The following ADAM28 variants were observed in gnomAD, a reference collection of about 807,000 sequenced individuals.
ADAM28 encodes the protein ADAM metallopeptidase domain 28.
A neutral mutation model predicts 101.2 loss-of-function variants in ADAM28; 105 were observed. The ratio of observed to expected loss-of-function variants is 1.04; its 90% confidence interval spans 0.89 to 1.22. ADAM28 has a LOEUF of 1.22. ADAM28 is among the 50% of genes most tolerant of loss of function. The probability of loss-of-function intolerance (pLI) is 0.00; values close to 1 mark genes in which losing one functional copy is unlikely to be tolerated. For missense variants in ADAM28, 1,028 were observed against 945.4 expected, an observed-to-expected ratio of 1.09 and a Z score of -1.15; for synonymous variants, 322 against 310.6, an observed-to-expected ratio of 1.04 and a Z score of -0.39.
chr8:24,339,648 CA>C, intron 15 of ADAM28, 80 bp downstream of exon 15: 1 of 1,226,470 alleles, frequency 8.2e-7, no homozygotes, highest in Non-Finnish European at 1.2e-6. Flanking sequence ...TGATTTATTC[CA>C]GTTAAAGGGA....
At chr8:24,332,885 C>T (rs1234907794) in intron 13 of ADAM28, 136 bp downstream of exon 13, 2 of 437,116 alleles carry the variant, frequency 4.6e-6, no homozygotes, top group Non-Finnish European at 7.9e-6. Context: ...TTATGAAGCA[C>T]TTACTCAGTG....
chr8:24,352,297 C>T (rs538673933), intron 21 of ADAM28, among the ~76,000 whole-genome samples: 7 of 152,308 alleles, frequency 4.6e-5, no homozygotes, highest in African/African-American at 1.7e-4. Context: ...CCACTGTTTT[C>T]ATCAGCTCAG....
intron 18 of ADAM28, among the ~76,000 whole-genome samples, chr8:24,348,024 G>GTAAT (rs1018409439): frequency 7.9e-5 from 12 of 151,954 alleles, no homozygotes; most frequent in African/African-American, 2.9e-4. Flanking sequence ...TAAATTAAAT[G>GTAAT]TAATTACTGA....
chr8:24,335,591 T>C lies in ADAM28; in HGVS notation c.1517T>C (p.Met506Thr), dbSNP rs747000918. 3.7e-6 allele frequency: 6 copies of C among 1,613,598 alleles called. No homozygotes were observed. In the South Asian group the frequency reaches 6.6e-5, roughly 18 times the overall value. ...PCHHGKGHCLMGTCPTLQEQC... is the reference protein window; with the variant it reads ...PCHHGKGHCLTGTCPTLQEQC... ...CATCACGGGAAGGGCCACTGCTTGA[T>C]GGGGACATGCCCCACACTGCAGGAG... The change falls in exon 14 of 23, where the codon ATG becomes ACG. Residue 506 changes from methionine (M) to threonine (T), a missense_variant. By Grantham distance (81) the Met-to-Thr change is moderately conservative (BLOSUM62 -1). Transcript: ENST00000265769.
intron 8 of ADAM28, 103 bp downstream of exon 8, chr8:24,321,392 T>C: frequency 1.0e-6 from 1 of 958,250 alleles, no homozygotes; most frequent in Non-Finnish European, 1.7e-6. Context: ...GTCAAGACAT[T>C]TGAGACCAAT....
chr8:24,324,065 T>C, intron 9 of ADAM28, 62 bp downstream of exon 9: 1 of 1,537,122 alleles, frequency 6.5e-7, no homozygotes, highest in Non-Finnish European at 8.9e-7. Flanking sequence ...TTTCTGAGCC[T>C]TGGCAAAGTG....
rs769016133 is a variant in ADAM28, at chr8:24,336,580, CA to C, written c.1567+958del. ...GGGTGACAAAGCCAGACTCCGTCTC[CA>C]AAAAAAAAAAAAAAAAAAGAAAAAA... is the stretch of plus-strand genomic sequence containing the variant. On this transcript the variant is annotated intron_variant, in intron 14 of 22. Coordinates refer to ENST00000265769, the MANE Select transcript of ADAM28 (RefSeq NM_014265.6). Among the ~76,000 whole-genome samples the C allele has an allele frequency of 2.8e-3, 172 of 61,618 alleles. No homozygotes were observed. The East Asian group carries it at 0.034, about 12-fold the overall frequency. The allele number at this position is 61,618 out of a possible 152,430, so 40.4% of individuals were successfully genotyped here.
At chr8:24,328,068 AAAAGTTTTAT>A (rs1812863160) in intron 10 of ADAM28, among the ~76,000 whole-genome samples, 1 of 152,096 alleles carries the variant, frequency 6.6e-6, no homozygotes, top group Admixed American at 6.6e-5. Flanking sequence ...TAGAAGTTAA[AAAAGTTTTAT>A]ATTTACCATC....
In ADAM28 at chr8:24,356,982, A is replaced by AT. The variant is rs1438060669; in HGVS notation, c.*2582dup. The AT allele has an allele frequency of 1.3e-5, 2 of 152,158 alleles. No homozygotes were observed. The highest frequency in any genetic ancestry group is 2.9e-5 in the Non-Finnish European group (2 of 68,016). The allele number at this position is 152,158 out of a possible 1,614,324, so 9.4% of individuals were successfully genotyped here. On this transcript the variant is annotated 3_prime_UTR_variant, in exon 23 of 23. Coordinates refer to ENST00000265769, the MANE Select transcript of ADAM28 (RefSeq NM_014265.6). The stretch of plus-strand genomic sequence containing the variant: ...GGAAAGGGTTATTATTATAATTAGG[A>AT]TTTTATTATTCACATTGGAAATCAC...
At chr8:24,304,549 C>T (rs1809284139) in intron 2 of ADAM28, among the ~76,000 whole-genome samples, 1 of 151,856 alleles carries the variant, frequency 6.6e-6, no homozygotes, top group African/African-American at 2.4e-5. Context: ...AAGGAAGGAT[C>T]CAAATTTTAA....
intron 20 of ADAM28, 31 bp downstream of exon 20, chr8:24,351,341 A>G: frequency 1.9e-6 from 3 of 1,594,980 alleles, no homozygotes; most frequent in Admixed American, 1.7e-5. Context: ...TGTGATTACC[A>G]TGGCCCCACT....
intron 1 of ADAM28, among the ~76,000 whole-genome samples, chr8:24,296,428 T>C (rs532442036): frequency 6.6e-6 from 1 of 152,368 alleles, no homozygotes; most frequent in East Asian, 1.9e-4. Flanking sequence ...TAAACCCTAA[T>C]TCAGCGTTTA....
At chr8:24,342,839 C>A in intron 16 of ADAM28, 1 of 436,194 alleles carries the variant, frequency 2.3e-6, no homozygotes, top group Non-Finnish European at 4.0e-6. Flanking sequence ...TAACTTCTTG[C>A]ATAGTCATTG....
intron 18 of ADAM28, among the ~76,000 whole-genome samples, chr8:24,345,362 A>G (rs1284460954): frequency 6.6e-6 from 1 of 152,040 alleles, no homozygotes; most frequent in Non-Finnish European, 1.5e-5. Context: ...TGTGATCTCC[A>G]TATTATATTC....
chr8:24,309,984 C>T lies in ADAM28; in HGVS notation c.227+14C>T. 1.9e-6 allele frequency: 3 copies of T among 1,546,732 alleles called. No individual in the cohort carries two copies. The highest frequency in any genetic ancestry group is 1.8e-6 in the Non-Finnish European group (2 of 1,121,152). On this transcript the variant is annotated intron_variant, in intron 3 of 22. Transcript: ENST00000265769. Reference sequence around the variant, plus strand: ...GAAAAAAAACAAGTAAGTATCTTTACCTGTGATATTATCCTCAGCAAGAGC... The same window carrying T: ...GAAAAAAAACAAGTAAGTATCTTTATCTGTGATATTATCCTCAGCAAGAGC...
rs866455551 is a variant in ADAM28, at chr8:24,353,791, C to T, written c.2266C>T (p.Pro756Ser). Residue 756 changes from proline to serine, a missense_variant, in exon 22 of 23, where the codon CCC (proline) becomes TCC (serine). Physicochemically the swap from Pro to Ser is moderately conservative, Grantham distance 74. Coordinates refer to ENST00000265769, the MANE Select transcript of ADAM28 (RefSeq NM_014265.6). The stretch of plus-strand genomic sequence containing the variant: ...GTAGCATAAAGACACAAACGCACTT[C>T]CCCCTACTGTTTTCAAGGATAATCC... ...ASFHKDTNAL[P>S]PTVFKDNPVS... The T allele has an allele frequency of 1.3e-6, 2 of 1,520,820 alleles. No individual in the cohort carries two copies. Among genetic ancestry groups the T allele is most frequent in the Non-Finnish European group, 1.8e-6 (2 of 1,095,754 alleles). The allele number at this position is 1,520,820 out of a possible 1,614,324, so 94.2% of individuals were successfully genotyped here. A position where few individuals can be genotyped will look rare whatever the true frequency, so the allele number is the denominator to read the frequency against.
intron 18 of ADAM28, among the ~76,000 whole-genome samples, chr8:24,348,218 TAA>T: frequency 6.6e-6 from 1 of 152,258 alleles, no homozygotes; most frequent in African/African-American, 2.4e-5. Context: ...TTTGCTTTTT[TAA>T]AAAAATAAAC....
At chr8:24,306,367 T>TATATATATATATATTTAAAAAAAAA (rs1563270579) in intron 2 of ADAM28, among the ~76,000 whole-genome samples, 13 of 136,320 alleles carry the variant, frequency 9.5e-5, no homozygotes, top group African/African-American at 3.4e-4. Context: ...TAAATAAATA[T>TATATATATATATATTTAAAAAAAAA]ATATATATAT....
chr8:24,333,256 A>G (rs1228005017), intron 13 of ADAM28, among the ~76,000 whole-genome samples: 1 of 152,192 alleles, frequency 6.6e-6, no homozygotes, highest in Non-Finnish European at 1.5e-5. Context: ...CAACATGACT[A>G]TAGGTACAGG....
Sources: allele counts gnomAD v4.1 joint callset (sites outside exome capture counted in the v4.1 genomes callset), GRCh38; gene constraint gnomAD v4.1.1; transcripts MANE v1.5; gene names NCBI Gene and HGNC (gene_info 2026-07-23, HGNC 2026-07-21).